Variants in HSD17B2 observed in about 807,000 individuals in gnomAD.
The protein encoded by HSD17B2 is 17-beta-hydroxysteroid dehydrogenase type 2.
In HSD17B2, 32 loss-of-function variants were observed where a neutral mutation model predicts 26.9. The ratio of observed to expected loss-of-function variants is 1.19; its 90% CI spans 0.90 to 1.60. The LOEUF (loss-of-function observed/expected upper bound fraction) is 1.60. Ranked by LOEUF, HSD17B2 falls within the 40% of genes most tolerant of loss-of-function variation. The pLI, the probability that HSD17B2 is intolerant of heterozygous loss-of-function variation, is 0.00. For missense variants in HSD17B2, 613 were observed against 468.6 expected, an observed-to-expected ratio of 1.31 and a Z score of -2.85; for synonymous variants, 246 against 186.7, an observed-to-expected ratio of 1.32 and a Z score of -2.59.
intron 1 of HSD17B2, among the ~76,000 whole-genome samples, chr16:82,047,521 C>T (rs540146124): frequency 6.6e-6 from 1 of 152,194 alleles, no homozygotes; most frequent in African/African-American, 2.4e-5. Context: ...AGCAGGTAGG[C>T]AAGAAGCCAG....
intron 3 of HSD17B2, among the ~76,000 whole-genome samples, chr16:82,087,400 A>C (rs1231820323): frequency 6.6e-6 from 1 of 152,234 alleles, no homozygotes; most frequent in African/African-American, 2.4e-5. Flanking sequence ...AGCGGCTCTT[A>C]ATCAGCAACT....
intron 1 of HSD17B2, among the ~76,000 whole-genome samples, chr16:82,067,085 G>A (rs1318420397): frequency 2.0e-5 from 3 of 152,176 alleles, no homozygotes. Flanking sequence ...TTTGCAGACA[G>A]TAGATTTCAG....
chr16:82,050,575 A>G (rs1914078768), intron 1 of HSD17B2, among the ~76,000 whole-genome samples: 1 of 152,066 alleles, frequency 6.6e-6, no homozygotes, highest in Non-Finnish European at 1.5e-5. Flanking sequence ...GCTGTAGAGA[A>G]TTCAAACCCA....
rs1375944967 is a variant in HSD17B2, at chr16:82,035,255, C to T, written c.-170C>T. ...TGAAGTGCACACTGGTTTAAATTACCCACTGGGAATATGATTATGCTTAAT... is the reference window on the plus strand; with the variant it reads ...TGAAGTGCACACTGGTTTAAATTACTCACTGGGAATATGATTATGCTTAAT... On this transcript the variant is annotated 5_prime_UTR_variant, in exon 1 of 5. Transcript: ENST00000199936. The T allele has an allele frequency of 6.5e-6, 4 of 612,136 alleles. No individual in the cohort carries two copies. Among genetic ancestry groups the T allele is most frequent in the Non-Finnish European group, 1.1e-5 (4 of 352,384 alleles). 37.9% of individuals were successfully genotyped at this position (612,136 alleles called of 1,614,324 possible). A position where few individuals can be genotyped will look rare whatever the true frequency, so the allele number is the denominator to read the frequency against.
intron 1 of HSD17B2, among the ~76,000 whole-genome samples, chr16:82,038,873 C>A (rs1235872316): frequency 6.6e-6 from 1 of 152,046 alleles, no homozygotes; most frequent in African/African-American, 2.4e-5. Context: ...GATCACTCAT[C>A]AGAGCTGTGC....
intron 3 of HSD17B2, among the ~76,000 whole-genome samples, chr16:82,087,706 T>C (rs1322795906): frequency 6.6e-6 from 1 of 152,168 alleles, no homozygotes; most frequent in Admixed American, 6.5e-5. Context: ...CTGGGTAATT[T>C]ATAATGAACA....
At chr16:82,047,436 C>T (rs1913967236) in intron 1 of HSD17B2, among the ~76,000 whole-genome samples, 1 of 152,222 alleles carries the variant, frequency 6.6e-6, no homozygotes, top group Non-Finnish European at 1.5e-5. Flanking sequence ...TATTGAGCAA[C>T]TCTGTGCCTG....
chr16:82,095,766 G>A (rs909042629), intron 4 of HSD17B2: 1 of 152,194 alleles, frequency 6.6e-6, no homozygotes, highest in African/African-American at 2.4e-5. Context: ...GACAAGAAGG[G>A]AGGTCTGTGA....
intron 4 of HSD17B2, chr16:82,097,370 C>CACAT (rs1904881116): frequency 9.7e-6 from 1 of 103,286 alleles, no homozygotes; most frequent in Admixed American, 9.4e-5. Context: ...CACACACACA[C>CACAT]ACACACAGAC....
intron 1 of HSD17B2, among the ~76,000 whole-genome samples, chr16:82,039,315 G>C (rs1913704967): frequency 1.3e-5 from 2 of 149,110 alleles, no homozygotes; most frequent in Admixed American, 1.4e-4. Context: ...TACTACTATA[G>C]ATGGAGTTAG....
intron 3 of HSD17B2, among the ~76,000 whole-genome samples, chr16:82,080,807 G>A (rs960243302): frequency 2.0e-5 from 3 of 152,136 alleles, no homozygotes; most frequent in African/African-American, 7.2e-5. Context: ...TTTACACCAT[G>A]TTGAAGGAAC....
At chr16:82,069,640 C>G (rs563689136) in intron 2 of HSD17B2, among the ~76,000 whole-genome samples, 5 of 152,322 alleles carry the variant, frequency 3.3e-5, no homozygotes, top group African/African-American at 1.2e-4. Context: ...ACTTCGCACT[C>G]TATGTGCCCT....
intron 3 of HSD17B2, 168 bp downstream of exon 3, chr16:82,071,295 C>T: frequency 2.9e-6 from 2 of 683,280 alleles, no homozygotes; most frequent in Non-Finnish European, 2.7e-6. Flanking sequence ...CCTTTCTCTT[C>T]TTTCAAATTC....
chr16:82,043,642 C>T (rs972101575), intron 1 of HSD17B2, among the ~76,000 whole-genome samples: 1 of 136,276 alleles, frequency 7.3e-6, no homozygotes, highest in African/African-American at 3.1e-5. Flanking sequence ...CGAGATCGCG[C>T]CACTGCACTG....
In HSD17B2 at chr16:82,098,213, C is replaced by A; in HGVS notation, c.941C>A (p.Ala314Asp). 4 of 1,614,182 alleles carry A rather than the reference C, an allele frequency of 2.5e-6. No homozygotes were observed. The highest frequency in any genetic ancestry group is 3.4e-6 in the Non-Finnish European group (4 of 1,180,022). ...RNFLLLINSL[A>D]SKDFSPVLRD... Reference sequence around the variant, plus strand: ...TTCCTCCTATTGATCAACTCGTTAGCCAGCAAGGACTTCTCTCCGGTGCTG... The same window carrying A: ...TTCCTCCTATTGATCAACTCGTTAGACAGCAAGGACTTCTCTCCGGTGCTG... The change falls in exon 5 of 5, where the codon GCC becomes GAC. Residue 314 changes from alanine to aspartate, a missense_variant. Physicochemically the swap from Ala to Asp is moderately radical, Grantham distance 126 (BLOSUM62 -2). Transcript: ENST00000199936.
chr16:82,089,060 C>G (rs1174627381), intron 3 of HSD17B2, among the ~76,000 whole-genome samples: 1 of 152,160 alleles, frequency 6.6e-6, no homozygotes, highest in East Asian at 1.9e-4. Flanking sequence ...GGCCCCATCT[C>G]CAAATACCAT....
chr16:82,056,545 A>G (rs373049871), intron 1 of HSD17B2: 9 of 152,196 alleles, frequency 5.9e-5, no homozygotes, highest in African/African-American at 2.2e-4. Flanking sequence ...GTAAGTCAGG[A>G]TCGTGGTAAC....
rs182058441 is a variant in HSD17B2 at position 82,090,269 on chromosome 16, G to A, written c.665-633G>A. 1.1e-4 allele frequency: 66 copies of A among 611,792 alleles called. 1 individual carries two copies. The highest frequency in any genetic ancestry group is 1.1e-3 in the African/African-American group (51 of 47,714). 37.9% of individuals were successfully genotyped at this position (611,792 alleles called of 1,614,324 possible). A position where few individuals can be genotyped will look rare whatever the true frequency, so the allele number is the denominator to read the frequency against. The stretch of plus-strand genomic sequence containing the variant: ...CAGGCTAGAAGATCAGGGCCTGGTC[G>A]GTAGGTGCTCTTCATCTTACCTAAA... On this transcript the variant is annotated intron_variant, in intron 3 of 4. Transcript: ENST00000199936.
At chr16:82,049,046 A>G (rs1040378601) in intron 1 of HSD17B2, among the ~76,000 whole-genome samples, 18 of 152,266 alleles carry the variant, frequency 1.2e-4, no homozygotes, top group Admixed American at 3.3e-4. Context: ...TTGAGCTTAT[A>G]TGTTTCTGTT....
Sources: gnomAD v4.1 joint callset for allele counts (sites outside exome capture counted in the v4.1 genomes callset) on GRCh38, gnomAD v4.1.1 for gene constraint, MANE v1.5 for transcripts, NCBI Gene and HGNC (gene_info 2026-07-23, HGNC 2026-07-21) for gene names.